The following WDR59 variants were observed in gnomAD, a reference collection of about 807,000 sequenced individuals.
WDR59 encodes WD repeat domain 59, also known as GATOR2 complex protein WDR59.
In WDR59, 100 loss-of-function variants were observed where a neutral mutation model predicts 131.2. The ratio of observed to expected loss-of-function variants is 0.76; its 90% CI spans 0.65 to 0.90. WDR59 has a LOEUF of 0.90. WDR59 is among the 40% of genes least tolerant of loss of function. The pLI is 0.00. For synonymous variants in WDR59, 601 were observed against 466.2 expected (o/e 1.29, Z -3.72); for missense variants, 1,203 against 1,262.2 (o/e 0.95, Z 0.71).
chr16:74,982,797 C>T (rs886858780), intron 1 of WDR59, among the ~76,000 whole-genome samples: 1 of 152,170 alleles, frequency 6.6e-6, no homozygotes, highest in Non-Finnish European at 1.5e-5. Context: ...GTAGAGGCTA[C>T]TGATCAGAGG....
chr16:74,900,544 T>C (rs181870527), intron 18 of WDR59, among the ~76,000 whole-genome samples: 1 of 152,174 alleles, frequency 6.6e-6, no homozygotes, highest in African/African-American at 2.4e-5. Context: ...CTAAAGCTTA[T>C]CCTAAGTTCT....
intron 18 of WDR59, among the ~76,000 whole-genome samples, chr16:74,900,425 T>C (rs184355613): frequency 6.6e-6 from 1 of 152,344 alleles, no homozygotes; most frequent in East Asian, 1.9e-4. Context: ...GAAATTATTC[T>C]ATTAACTTAA....
intron 6 of WDR59, among the ~76,000 whole-genome samples, chr16:74,943,068 C>T (rs886656045): frequency 1.3e-5 from 2 of 152,160 alleles, no homozygotes; most frequent in African/African-American, 4.8e-5. Flanking sequence ...AAAAAATCTA[C>T]AGGTCACTCT....
intron 4 of WDR59, among the ~76,000 whole-genome samples, chr16:74,951,205 G>A (rs2032978364): frequency 1.3e-5 from 2 of 150,784 alleles, no homozygotes; most frequent in South Asian, 4.2e-4. Flanking sequence ...CTTTACCCTG[G>A]ACTGGACTAT....
intron 18 of WDR59, among the ~76,000 whole-genome samples, chr16:74,900,840 C>T (rs527819093): frequency 3.2e-4 from 49 of 152,306 alleles, no homozygotes; most frequent in Middle Eastern, 6.8e-3. Context: ...TACACTGGGC[C>T]GGGTGCAGTG....
intron 6 of WDR59, among the ~76,000 whole-genome samples, chr16:74,944,000 G>A (rs751489600): frequency 6.6e-6 from 1 of 152,140 alleles, no homozygotes; most frequent in Non-Finnish European, 1.5e-5. Flanking sequence ...TTCTTCGCAC[G>A]GAAGGATATC....
intron 14 of WDR59, among the ~76,000 whole-genome samples, chr16:74,910,641 A>G (rs532765523): frequency 6.6e-6 from 1 of 152,300 alleles, no homozygotes; most frequent in East Asian, 1.9e-4. Flanking sequence ...TGAAAATTAT[A>G]ATGTATATTT....
chr16:74,984,450 A>G (rs913120127), intron 1 of WDR59, among the ~76,000 whole-genome samples: 6 of 152,184 alleles, frequency 3.9e-5, no homozygotes, highest in Non-Finnish European at 8.8e-5. Flanking sequence ...TGTCACTCCT[A>G]TCCACTACAC....
chr16:74,949,846 A>C, intron 4 of WDR59, 48 bp from the exon 5 acceptor site: 1 of 1,578,278 alleles, frequency 6.3e-7, no homozygotes, highest in Non-Finnish European at 8.7e-7. Context: ...AAAAATTCAG[A>C]GTCCAGGTCC....
Position 74,888,209 on chromosome 16 carries a change from G to C in WDR59, c.2306C>G (p.Pro769Arg), listed in dbSNP as rs1356342762. ...QGLPNPFGPF[P>R]NRSSNLVVSH... is the part of the protein sequence containing the mutation. ...CACCACAAGATTAGAAGAACGGTTA[G>C]GAAAAGGCCCAAAGGGGTTTGGTAG... The change falls in exon 22 of 26, where the codon CCT (proline) becomes CGT (arginine). Residue 769 changes from proline (P) to arginine (R), a missense_variant. By Grantham distance (103) the Pro-to-Arg change is moderately radical. Coordinates refer to ENST00000262144, the MANE Select transcript of WDR59 (RefSeq NM_030581.4). 8 of 1,613,798 alleles carry C rather than the reference G, an allele frequency of 5.0e-6. No homozygotes were observed. The highest frequency in any genetic ancestry group is 1.3e-5 in the African/African-American group (1 of 74,872).
At chr16:74,969,172 T>C (rs1011374401) in intron 1 of WDR59, among the ~76,000 whole-genome samples, 2 of 152,236 alleles carry the variant, frequency 1.3e-5, no homozygotes, top group Admixed American at 1.3e-4. Flanking sequence ...GAAAGGTGCC[T>C]GCTGGGGATT....
Position 74,942,754 on chromosome 16 carries a change from C to T in WDR59, c.518G>A (p.Arg173Gln), listed in dbSNP as rs776758933. 2 of 1,613,460 alleles carry T rather than the reference C, an allele frequency of 1.2e-6. No individual in the cohort carries two copies. The highest frequency in any genetic ancestry group is 2.7e-5 in the African/African-American group (2 of 74,898). Residue 173 changes from arginine (R) to glutamine (Q), a missense_variant, in exon 7 of 26, where the codon CGG becomes CAG. Coordinates refer to ENST00000262144, the MANE Select transcript of WDR59 (RefSeq NM_030581.4). ...ATTACTCACCCTCTTATCCCATATC[C>T]GCACATCGCCGTCATGGCTGGTGGC... ...CLATSHDGDVRIWDKRKPSTA... is the reference protein window; with the variant it reads ...CLATSHDGDVQIWDKRKPSTA...
intron 17 of WDR59, 59 bp downstream of exon 17, chr16:74,908,849 G>A (rs942877919): frequency 5.4e-6 from 8 of 1,476,652 alleles, no homozygotes; most frequent in Non-Finnish European, 7.6e-6. Context: ...TCCTTCCCAG[G>A]TCTCTGGCCA....
At position 74,916,369 on chromosome 16, in the gene WDR59, G is replaced by C. The variant is rs973652532; in HGVS notation, c.967-110C>G. 2.9e-6 allele frequency: 4 copies of C among 1,385,218 alleles called. No individual in the cohort carries two copies. In the South Asian group the frequency reaches 4.9e-5, roughly 17 times the overall value. 85.8% of individuals were successfully genotyped at this position (1,385,218 alleles called of 1,614,324 possible). A position where few individuals can be genotyped will look rare whatever the true frequency, so the allele number is the denominator to read the frequency against. ...TGGGAAGGGCAAAGGATGGGGATGTGTCAGCCAAGAGCTGACATAATCAAA... is the reference window on the plus strand; with the variant it reads ...TGGGAAGGGCAAAGGATGGGGATGTCTCAGCCAAGAGCTGACATAATCAAA... On this transcript the variant is annotated intron_variant, in intron 11 of 25. Coordinates refer to ENST00000262144, the MANE Select transcript of WDR59 (RefSeq NM_030581.4).
intron 13 of WDR59, 96 bp from the exon 14 acceptor site, chr16:74,912,458 T>A (rs1474880574): frequency 7.8e-7 from 1 of 1,283,050 alleles, no homozygotes; most frequent in East Asian, 2.4e-5. Flanking sequence ...TCCTGGTAAT[T>A]GAATGAAGGG....
chr16:74,927,491 G>T (rs569235066), intron 8 of WDR59, among the ~76,000 whole-genome samples: 1 of 151,378 alleles, frequency 6.6e-6, no homozygotes, highest in African/African-American at 2.4e-5. Flanking sequence ...GCGAGGCTGA[G>T]GCAGGAGAAT....
intron 7 of WDR59, 148 bp downstream of exon 7, chr16:74,942,590 G>T (rs1015338857): frequency 1.8e-5 from 12 of 673,712 alleles, no homozygotes; most frequent in African/African-American, 1.1e-4. Flanking sequence ...CGCAAATATC[G>T]TCTGGTACTA....
chr16:74,937,494 C>G (rs1022736750), intron 8 of WDR59, among the ~76,000 whole-genome samples: 1 of 152,082 alleles, frequency 6.6e-6, no homozygotes, highest in Non-Finnish European at 1.5e-5. Flanking sequence ...GCAGCTTCTT[C>G]GCAAGGGAAC....
At chr16:74,947,793 G>A (rs554944759) in intron 6 of WDR59, among the ~76,000 whole-genome samples, 6 of 152,194 alleles carry the variant, frequency 3.9e-5, no homozygotes, top group African/African-American at 7.2e-5. Context: ...CAAGAGGGCC[G>A]GGCATGGTGG....
Sources: gnomAD v4.1 joint callset for allele counts (sites outside exome capture counted in the v4.1 genomes callset) on GRCh38, gnomAD v4.1.1 for gene constraint, MANE v1.5 for transcripts, NCBI Gene and HGNC (gene_info 2026-07-23, HGNC 2026-07-21) for gene names.